Variants in GABRG3 observed in about 807,000 individuals in gnomAD.
GABRG3 encodes the protein gamma-aminobutyric acid type A receptor subunit gamma3.
GABRG3 carries 25 observed loss-of-function variants against 48.8 expected under a neutral mutation model. That is an observed-to-expected ratio of 0.51 (90% CI 0.37 to 0.72). The LOEUF (loss-of-function observed/expected upper bound fraction) is 0.72. Among genes scored for constraint, GABRG3 ranks in the 30% least tolerant of loss-of-function variants. The probability of loss-of-function intolerance (pLI) is 0.00; values close to 1 mark genes in which losing one functional copy is unlikely to be tolerated. For synonymous variants in GABRG3, 227 were observed against 217.6 expected, an observed-to-expected ratio of 1.04 and a Z score of -0.38; for missense variants, 394 against 577.9, an observed-to-expected ratio of 0.68 and a Z score of 3.26.
At position 27,026,784 on chromosome 15, in the gene GABRG3, A is replaced by G. The variant is rs1468232279; in HGVS notation, c.233A>G (p.Tyr78Cys). 1 of 1,611,972 alleles carries G rather than the reference A, an allele frequency of 6.2e-7. No individual in the cohort carries two copies. The highest frequency in any genetic ancestry group is 8.5e-7 in the Non-Finnish European group (1 of 1,179,364). Residue 78 changes from tyrosine to cysteine, a missense_variant, in exon 3 of 10, where the codon TAT (tyrosine) becomes TGT (cysteine). This residue lies in a region of GABRG3 where 218 missense variants were observed against 309.9 expected (regional missense o/e 0.70). Transcript: ENST00000615808. ...CCGACCGTAATTGACGTTGACATTT[A>G]TGTTAACAGCATTGGTCCTGTGTCA... ...IKPTVIDVDI[Y>C]VNSIGPVSSI...
chr15:27,319,469 A>G lies in GABRG3; in HGVS notation c.271-7340A>G, dbSNP rs564007464. The stretch of plus-strand genomic sequence containing the variant: ...CCAGCACTGTGGTGGGGCAGTCTCT[A>G]TGCGGAATTTGCGGATAATTGTGAT... On this transcript the variant is annotated intron_variant, in intron 3 of 9. Coordinates refer to ENST00000615808, the MANE Select transcript of GABRG3 (RefSeq NM_033223.5). This position sits in a 1 kb window ranked among gnomAD's most constrained non-coding sequence, Gnocchi z 4.4. Among the ~76,000 whole-genome samples the G allele has an allele frequency of 2.0e-5, 3 of 152,354 alleles. No homozygotes were observed. Among genetic ancestry groups the G allele is most frequent in the South Asian group, 4.1e-4 (2 of 4,828 alleles).
At chr15:27,037,375 C>T (rs1896197530) in intron 3 of GABRG3, among the ~76,000 whole-genome samples, 1 of 152,184 alleles carries the variant, frequency 6.6e-6, no homozygotes, top group Non-Finnish European at 1.5e-5. Flanking sequence ...CGACAGTCAA[C>T]AGGGACAGGT....
intron 3 of GABRG3, among the ~76,000 whole-genome samples, chr15:27,106,430 T>C (rs995986874): frequency 6.6e-6 from 1 of 150,800 alleles, no homozygotes; most frequent in Admixed American, 6.6e-5. Context: ...TTCTGAGCAG[T>C]CCTGCAGGAA....
chr15:27,304,422 T>G (rs1892322212), intron 3 of GABRG3, among the ~76,000 whole-genome samples: 1 of 151,938 alleles, frequency 6.6e-6, no homozygotes, highest in Admixed American at 6.6e-5. Context: ...AAAAATCAAT[T>G]TATTATCTTA....
chr15:27,497,976 C>A (rs1260073232), intron 6 of GABRG3, among the ~76,000 whole-genome samples: 1 of 152,140 alleles, frequency 6.6e-6, no homozygotes, highest in Non-Finnish European at 1.5e-5. Context: ...ATCAGCATAT[C>A]CTGTTTGTCT....
intron 3 of GABRG3, among the ~76,000 whole-genome samples, chr15:27,058,163 A>G (rs1189813664): frequency 1.3e-5 from 2 of 152,240 alleles, no homozygotes; most frequent in African/African-American, 2.4e-5. Context: ...ATGACTCACT[A>G]TGATAACGCA....
intron 3 of GABRG3, among the ~76,000 whole-genome samples, chr15:27,189,824 C>G (rs1888233356): frequency 6.6e-6 from 1 of 152,072 alleles, no homozygotes; most frequent in Non-Finnish European, 1.5e-5. Flanking sequence ...GGGAATGCTT[C>G]CAGTTTTTGC....
intron 3 of GABRG3, among the ~76,000 whole-genome samples, chr15:27,296,673 A>T (rs898652813): frequency 3.3e-5 from 5 of 152,158 alleles, no homozygotes; most frequent in Non-Finnish European, 5.9e-5. Context: ...AAAGCATTAC[A>T]CGGTGTTGGT....
At chr15:27,385,536 C>T (rs1052539107) in intron 5 of GABRG3, among the ~76,000 whole-genome samples, 13 of 152,112 alleles carry the variant, frequency 8.5e-5, no homozygotes, top group Non-Finnish European at 1.9e-4. Context: ...TCCCACAGGT[C>T]TCTGAAGCTG....
At chr15:27,313,266 A>ATATATATATATATATATATG (rs1893080031) in intron 3 of GABRG3, among the ~76,000 whole-genome samples, 3 of 14,440 alleles carry the variant, frequency 2.1e-4, no homozygotes, top group East Asian at 3.3e-3. Context: ...GTGTGTGTAT[A>ATATATATATATATATATATG]TATATATATA....
chr15:27,404,733 T>C (rs1463826095), intron 5 of GABRG3, among the ~76,000 whole-genome samples: 1 of 152,172 alleles, frequency 6.6e-6, no homozygotes, highest in Non-Finnish European at 1.5e-5. Context: ...GGTGGCCACA[T>C]GTATCTTCTC....
chr15:27,214,027 A>G (rs955174892), intron 3 of GABRG3, among the ~76,000 whole-genome samples: 1 of 152,204 alleles, frequency 6.6e-6, no homozygotes, highest in Non-Finnish European at 1.5e-5. Flanking sequence ...TTTAGCAGGT[A>G]AAATCACAGA....
chr15:27,496,590 C>T (rs1008944622), intron 6 of GABRG3, among the ~76,000 whole-genome samples: 2 of 152,114 alleles, frequency 1.3e-5, no homozygotes, highest in Admixed American at 6.5e-5. Flanking sequence ...CTCCACATTT[C>T]GAAGCGTTAT....
chr15:27,157,780 A>C (rs1245307605), intron 3 of GABRG3: 1 of 152,266 alleles, frequency 6.6e-6, no homozygotes, highest in Non-Finnish European at 1.5e-5. Flanking sequence ...ACATCACAAC[A>C]GACAAGGCAC....
Position 27,430,989 on chromosome 15 carries a change from C to CAATAAATAAATA in GABRG3, c.575-49621_575-49610dup, listed in dbSNP as rs61461156. 1.8e-3 allele frequency among the ~76,000 whole-genome samples: 252 copies of CAATAAATAAATA among 141,212 alleles called. 1 individual carries two copies. Among genetic ancestry groups the CAATAAATAAATA allele is most frequent in the Middle Eastern group, 7.4e-3 (2 of 272 alleles). The allele number at this position is 141,212 out of a possible 152,430, so 92.6% of individuals were successfully genotyped here. ...TGGGTGACAGAGCAAGTCCCTGTCT[C>CAATAAATAAATA]AATAAATAAATAAATAAATAAATAA... is the stretch of plus-strand genomic sequence containing the variant. On this transcript the variant is annotated intron_variant, in intron 5 of 9. Coordinates refer to ENST00000615808, the MANE Select transcript of GABRG3 (RefSeq NM_033223.5).
chr15:27,026,922 A>T, intron 3 of GABRG3, 101 bp downstream of exon 3: 1 of 696,586 alleles, frequency 1.4e-6, no homozygotes, highest in Middle Eastern at 2.5e-4. Flanking sequence ...CCGGTTTAAA[A>T]CTCACACTGA....
At chr15:27,505,641 G>GGT (rs1456391993) in intron 6 of GABRG3, among the ~76,000 whole-genome samples, 3 of 151,972 alleles carry the variant, frequency 2.0e-5, no homozygotes, top group African/African-American at 7.2e-5. Context: ...CCTGTCATGT[G>GGT]GTGTGTGTGT....
At chr15:27,111,560 T>G (rs533571998) in intron 3 of GABRG3, among the ~76,000 whole-genome samples, 22 of 152,310 alleles carry the variant, frequency 1.4e-4, no homozygotes, top group African/African-American at 5.1e-4. Context: ...GTGTGTTGTA[T>G]CTGTAAGTAG....
chr15:27,530,794 C>G, intron 9 of GABRG3: 2 of 459,660 alleles, frequency 4.4e-6, no homozygotes, highest in Non-Finnish European at 9.0e-6. Context: ...CCAGTTCCAT[C>G]CACATAGCAA....
Sources: allele counts gnomAD v4.1 joint callset (sites outside exome capture counted in the v4.1 genomes callset), GRCh38; gene constraint gnomAD v4.1.1; regional missense constraint gnomAD v4.1.1; non-coding constraint Gnocchi (gnomAD v3.1); transcripts MANE v1.5; gene names NCBI Gene and HGNC (gene_info 2026-07-23, HGNC 2026-07-21).